SNX14: variants seen among roughly 807,000 people sequenced by gnomAD.
SNX14 encodes the protein sorting nexin 14.
Under a neutral mutation model 133.8 loss-of-function variants are expected in SNX14, and 93 were observed. The observed-to-expected ratio is 0.70, with a 90% CI of 0.59 to 0.83. The LOEUF (loss-of-function observed/expected upper bound fraction) is 0.83, where lower values mean the gene tolerates loss of function less well. Ranked by LOEUF, SNX14 falls within the 40% of genes least tolerant of loss-of-function variation. The probability of loss-of-function intolerance (pLI) is 0.00; values close to 1 mark genes in which losing one functional copy is unlikely to be tolerated. For missense variants in SNX14, 945 were observed against 1,094.9 expected (o/e 0.86, Z 1.93); for synonymous variants, 368 against 365.6 (o/e 1.01, Z -0.07).
chr6:85,515,234 T>G (rs2127814390), intron 23 of SNX14, among the ~76,000 whole-genome samples: 1 of 123,060 alleles, frequency 8.1e-6, no homozygotes, highest in East Asian at 2.6e-4. Flanking sequence ...GCCACTGCAC[T>G]CCAGCCTGGG....
In SNX14 at chr6:85,507,088, T is replaced by C. The variant is rs1770972993; in HGVS notation, c.2802+145A>G. ...GTTTGGGCATGTTTAATAAAGAAAA[T>C]ACAAAAGGCAATTTGCTGAGGTTAA... On this transcript the variant is annotated intron_variant, in intron 28 of 28. Coordinates refer to ENST00000314673, the MANE Select transcript of SNX14 (RefSeq NM_153816.6). The C allele has an allele frequency of 4.3e-6, 3 of 702,532 alleles. No homozygotes were observed. The East Asian group carries it at 8.6e-5, about 20-fold the overall frequency. 43.5% of individuals were successfully genotyped at this position (702,532 alleles called of 1,614,324 possible). A position where few individuals can be genotyped will look rare whatever the true frequency, so the allele number is the denominator to read the frequency against.
chr6:85,588,232 A>G (rs1396408978), intron 1 of SNX14, among the ~76,000 whole-genome samples: 1 of 152,094 alleles, frequency 6.6e-6, no homozygotes, highest in Admixed American at 6.6e-5. Context: ...GCAGTGAGCC[A>G]AGATCATGCC....
chr6:85,554,299 C>T (rs542709722), intron 7 of SNX14, among the ~76,000 whole-genome samples: 24 of 151,578 alleles, frequency 1.6e-4, no homozygotes, highest in African/African-American at 5.1e-4. Context: ...ATTTCATATA[C>T]ACACATGTGT....
rs536086390 is a variant in SNX14, at chr6:85,585,990, GAA to G, written c.140+7587_140+7588del. ...CTTCTTGCACCACTCCCCGCAACAG[GAA>G]AAAAAAAAAAAAAAAACTAAATCTA... On this transcript the variant is annotated intron_variant, in intron 1 of 28. Coordinates refer to ENST00000314673, the MANE Select transcript of SNX14 (RefSeq NM_153816.6). Among the ~76,000 whole-genome samples, 162 of 75,100 alleles carry G rather than the reference GAA, an allele frequency of 2.2e-3. 1 individual carries two copies. The highest frequency in any genetic ancestry group is 6.6e-3 in the African/African-American group (150 of 22,758). The allele number at this position is 75,100 out of a possible 152,430, so 49.3% of individuals were successfully genotyped here.
rs937987876 is a variant in SNX14, at chr6:85,541,616, C to T, written c.1448+369G>A. ...AAAAAGAAAGAAATAAACATCCCTCCACTTTTGTACCCAGTAAGCACTCTT... is the reference window on the plus strand; with the variant it reads ...AAAAAGAAAGAAATAAACATCCCTCTACTTTTGTACCCAGTAAGCACTCTT... On this transcript the variant is annotated intron_variant, in intron 15 of 28. Coordinates refer to ENST00000314673, the MANE Select transcript of SNX14 (RefSeq NM_153816.6). Among the ~76,000 whole-genome samples the T allele has an allele frequency of 5.9e-5, 9 of 152,214 alleles. No homozygotes were observed. The East Asian group carries it at 1.5e-3, about 26-fold the overall frequency.
intron 2 of SNX14, 41 bp from the exon 3 acceptor site, chr6:85,572,415 T>C (rs774308133): frequency 1.4e-6 from 2 of 1,385,598 alleles, no homozygotes; most frequent in Non-Finnish European, 2.0e-6. Flanking sequence ...GATCCATCTT[T>C]ACATAACATC....
At chr6:85,527,565 A>G (rs2098900785) in intron 20 of SNX14, among the ~76,000 whole-genome samples, 1 of 152,114 alleles carries the variant, frequency 6.6e-6, no homozygotes, top group East Asian at 1.9e-4. Flanking sequence ...ATAAAATTCC[A>G]TGCCCAAATA....
In SNX14 at chr6:85,526,933, G is replaced by A. The variant is rs557772305; in HGVS notation, c.1996-696C>T. 2.0e-5 allele frequency among the ~76,000 whole-genome samples: 3 copies of A among 152,242 alleles called. No individual in the cohort carries two copies. The South Asian group carries it at 6.2e-4, about 32-fold the overall frequency. The stretch of plus-strand genomic sequence containing the variant: ...AAAATACAAAAATTAGCCAGGAGTG[G>A]CAGTGGGTGCCTGTAATCCCAGCTA... On this transcript the variant is annotated intron_variant, in intron 20 of 28. Transcript: ENST00000314673.
At position 85,552,898 on chromosome 6, in the gene SNX14, G is replaced by A. The variant is rs573303039; in HGVS notation, c.635-3019C>T. On this transcript the variant is annotated intron_variant, in intron 7 of 28. Coordinates refer to ENST00000314673, the MANE Select transcript of SNX14 (RefSeq NM_153816.6). ...ACAAAGCCTTGCTTTCTTAACCAAT[G>A]CAAACCAAAGACTCTTTGAATCCAC... 6.6e-5 allele frequency among the ~76,000 whole-genome samples: 10 copies of A among 152,304 alleles called. No homozygotes were observed. The South Asian group carries it at 2.1e-3, about 32-fold the overall frequency.
chr6:85,518,526 T>C (rs973104314), intron 21 of SNX14, among the ~76,000 whole-genome samples: 1 of 152,214 alleles, frequency 6.6e-6, no homozygotes, highest in Admixed American at 6.5e-5. Flanking sequence ...AGAATTTCTA[T>C]TCTAAATCCT....
At position 85,593,855 on chromosome 6, in the gene SNX14, TG is replaced by T; in HGVS notation, c.-138del. ...CTACCGGCAGTTAGCCGCCGCAGGC[TG>T]AGGTCGCGTCCGGCTGGGCCCAGCC... On this transcript the variant is annotated 5_prime_UTR_variant, in exon 1 of 29. Coordinates refer to ENST00000314673, the MANE Select transcript of SNX14 (RefSeq NM_153816.6). 6.7e-7 allele frequency: 1 copy of T among 1,486,134 alleles called. No individual in the cohort carries two copies. Among genetic ancestry groups the T allele is most frequent in the Non-Finnish European group, 8.9e-7 (1 of 1,125,348 alleles). 92.1% of individuals were successfully genotyped at this position (1,486,134 alleles called of 1,614,324 possible).
intron 15 of SNX14, among the ~76,000 whole-genome samples, chr6:85,540,618 A>G (rs1461391212): frequency 6.6e-6 from 1 of 152,216 alleles, no homozygotes; most frequent in Non-Finnish European, 1.5e-5. Context: ...CCTTTCAGAA[A>G]AGTTATTACA....
intron 20 of SNX14, among the ~76,000 whole-genome samples, chr6:85,527,004 G>A (rs1362923993): frequency 6.6e-6 from 1 of 152,158 alleles, no homozygotes; most frequent in Non-Finnish European, 1.5e-5. Context: ...GGGAGGTGGA[G>A]GTTGCAGTGA....
At chr6:85,560,411 A>G (rs1271328882) in intron 6 of SNX14, among the ~76,000 whole-genome samples, 1 of 152,236 alleles carries the variant, frequency 6.6e-6, no homozygotes, top group Admixed American at 6.5e-5. Context: ...GATTCCATGT[A>G]TATGAAATGT....
At chr6:85,556,179 T>C (rs528475027) in intron 7 of SNX14, among the ~76,000 whole-genome samples, 5 of 152,136 alleles carry the variant, frequency 3.3e-5, no homozygotes, top group Non-Finnish European at 7.4e-5. Flanking sequence ...GCAAAATTGC[T>C]CTAAAACATA....
chr6:85,550,388 G>A (rs761691483), intron 7 of SNX14, among the ~76,000 whole-genome samples: 6 of 152,162 alleles, frequency 3.9e-5, no homozygotes, highest in Non-Finnish European at 1.5e-5. Flanking sequence ...GAAAAAATTA[G>A]AGAAAACAAC....
In SNX14 at chr6:85,540,116, C is replaced by T. The variant is rs570833655; in HGVS notation, c.1449-1252G>A. Among the ~76,000 whole-genome samples the T allele has an allele frequency of 3.1e-4, 47 of 152,198 alleles. No individual in the cohort carries two copies. In the East Asian group the frequency reaches 5.4e-3, roughly 17 times the overall value. On this transcript the variant is annotated intron_variant, in intron 15 of 28. Coordinates refer to ENST00000314673, the MANE Select transcript of SNX14 (RefSeq NM_153816.6). ...AGCTGGGATCACAGGTGTGTTCCAT[C>T]GCACTTGACTAATTTTTGTATTTTT...
rs758586595 is a variant in SNX14, at chr6:85,513,847, T to C, written c.2606A>G (p.Gln869Arg). ...TTCAAAAGTCTGTTTTGCTCCTTTTTGCTTATCTTGGAGAGAGCGAGGTTC... is the reference window on the plus strand; with the variant it reads ...TTCAAAAGTCTGTTTTGCTCCTTTTCGCTTATCTTGGAGAGAGCGAGGTTC... ...NTEPRSLQDK[Q>R]KGAKQTFEEM... is the part of the protein sequence containing the mutation. Residue 869 changes from glutamine (Q) to arginine (R), a missense_variant, in exon 26 of 29, where the codon CAA becomes CGA. Gln to Arg is a conservative substitution (Grantham distance 43). Transcript: ENST00000314673. The C allele has an allele frequency of 4.2e-5, 68 of 1,613,208 alleles. No homozygotes were observed. Among genetic ancestry groups the C allele is most frequent in the Non-Finnish European group, 5.7e-5 (67 of 1,179,812 alleles).
At chr6:85,516,698 C>T (rs1775138563) in intron 23 of SNX14, among the ~76,000 whole-genome samples, 1 of 137,692 alleles carries the variant, frequency 7.3e-6, no homozygotes, top group Admixed American at 8.1e-5. Context: ...AGTGCAGTGG[C>T]GCGATCTCAG....
Sources: gnomAD v4.1 joint callset for allele counts (sites outside exome capture counted in the v4.1 genomes callset) on GRCh38, gnomAD v4.1.1 for gene constraint, MANE v1.5 for transcripts, NCBI Gene and HGNC (gene_info 2026-07-23, HGNC 2026-07-21) for gene names.